The following CACNA1C variants were observed in gnomAD, a reference collection of about 807,000 sequenced individuals.
CACNA1C encodes voltage-dependent L-type calcium channel subunit alpha-1C.
CACNA1C carries 30 observed loss-of-function variants against 229.0 expected under a neutral mutation model. The observed-to-expected ratio is 0.13, with a 90% CI of 0.10 to 0.18. The LOEUF (loss-of-function observed/expected upper bound fraction) is 0.18, where lower values mean the gene tolerates loss of function less well. Among genes scored for constraint, CACNA1C ranks in the 10% least tolerant of loss-of-function variants. CACNA1C has a pLI of 1.00. For missense variants in CACNA1C, 1,658 were observed against 2,845.0 expected, an observed-to-expected ratio of 0.58 and a Z score of 9.49; for synonymous variants, 1,114 against 1,132.5, an observed-to-expected ratio of 0.98 and a Z score of 0.33.
chr12:2,500,620 T>C (rs1252460405), intron 7 of CACNA1C, among the ~76,000 whole-genome samples: 2 of 152,252 alleles, frequency 1.3e-5, no homozygotes, highest in South Asian at 4.1e-4. Flanking sequence ...TGCTCCCACG[T>C]GTCCTGAAGA....
At chr12:2,347,453 C>T (rs1003987241) in intron 3 of CACNA1C, among the ~76,000 whole-genome samples, 2 of 152,222 alleles carry the variant, frequency 1.3e-5, no homozygotes, top group Admixed American at 1.3e-4. Flanking sequence ...AAATTAGGCT[C>T]CACATTTGTA....
At position 2,691,190 on chromosome 12, in the gene CACNA1C, C is replaced by G; in HGVS notation, c.6408C>G (p.Ser2136Arg). The G allele has an allele frequency of 6.4e-7, 1 of 1,561,764 alleles. No homozygotes were observed. The highest frequency in any genetic ancestry group is 8.7e-7 in the Non-Finnish European group (1 of 1,154,304). Residue 2136 changes from serine to arginine, a missense_variant, in exon 47 of 47, where the codon AGC (serine) becomes AGG (arginine). Ser to Arg is a moderately radical substitution (Grantham distance 110). Around this residue, in one of 20 missense-constraint regions of CACNA1C, gnomAD observed 590 missense variants for 700.8 expected, o/e 0.84. Coordinates refer to ENST00000399655, the MANE Select transcript of CACNA1C (RefSeq NM_000719.7). The part of the protein sequence containing the change: ...EELQDSRVYV[S>R]SL ...TCCAGGACAGCAGGGTCTACGTCAG[C>G]AGCCTGTAGTGGGCGCTGCCAGATG...
chr12:2,533,875 G>T (rs114402104), intron 9 of CACNA1C, among the ~76,000 whole-genome samples: 1,821 of 152,282 alleles, frequency 0.012, 51 homozygotes, highest in African/African-American at 0.042. Flanking sequence ...CAGGTTGTTG[G>T]GAGCATGAAA....
In CACNA1C at chr12:2,504,432, C is replaced by A. The variant is rs1843666783; in HGVS notation, c.1114-410C>A. On this transcript the variant is annotated intron_variant, in intron 7 of 46. Coordinates refer to ENST00000399655, the MANE Select transcript of CACNA1C (RefSeq NM_000719.7). The surrounding 1 kb of genome is among the most constrained non-coding windows in gnomAD (Gnocchi z 6.8). ...TCTTTCCTAACTTTCCTTCGTCTTTCCAGATGCAGGACGCTATGGGCTATG... is the reference window on the plus strand; with the variant it reads ...TCTTTCCTAACTTTCCTTCGTCTTTACAGATGCAGGACGCTATGGGCTATG... The A allele has an allele frequency of 1.3e-6, 2 of 1,550,166 alleles. No homozygotes were observed. The highest frequency in any genetic ancestry group is 1.8e-6 in the Non-Finnish European group (2 of 1,122,718).
intron 1 of CACNA1C, among the ~76,000 whole-genome samples, chr12:2,075,182 T>C (rs1444029446): frequency 1.3e-5 from 2 of 152,166 alleles, no homozygotes; most frequent in African/African-American, 4.8e-5. Flanking sequence ...CCAGAGACTT[T>C]GATGATTGCA....
chr12:2,509,615 T>G (rs2283319), intron 8 of CACNA1C, among the ~76,000 whole-genome samples: 7,150 of 152,288 alleles, frequency 0.047, 181 homozygotes, highest in South Asian at 0.1. Flanking sequence ...ATGCACGTGT[T>G]TTCTCTGTGC....
At chr12:2,137,311 G>A (rs1181350613) in intron 3 of CACNA1C, among the ~76,000 whole-genome samples, 1 of 151,250 alleles carries the variant, frequency 6.6e-6, no homozygotes, top group African/African-American at 2.4e-5. Flanking sequence ...TTTCTCGGCT[G>A]TGAAATAAAG....
In CACNA1C at chr12:2,497,969, T is replaced by TCACACACACACACACACACACACACA. The variant is rs3058710; in HGVS notation, c.1113+4592_1113+4617dup. Among the ~76,000 whole-genome samples, 75 of 144,008 alleles carry TCACACACACACACACACACACACACA rather than the reference T, an allele frequency of 5.2e-4. No homozygotes were observed. In the East Asian group the frequency reaches 6.0e-3, roughly 12 times the overall value. 94.5% of individuals were successfully genotyped at this position (144,008 alleles called of 152,430 possible). A position where few individuals can be genotyped will look rare whatever the true frequency, so the allele number is the denominator to read the frequency against. On this transcript the variant is annotated intron_variant, in intron 7 of 46. Transcript: ENST00000399655. ...TGCGGAGAAGGTATTTCTATTAAAT[T>TCACACACACACACACACACACACACA]CACACACACACACACACACACACAC...
intron 4 of CACNA1C, among the ~76,000 whole-genome samples, chr12:2,449,741 C>T (rs1467753206): frequency 1.3e-5 from 2 of 152,218 alleles, no homozygotes; most frequent in African/African-American, 4.8e-5. Context: ...TAGGATATCC[C>T]CCTGCTTAAG....
chr12:2,463,661 C>A (rs1192977538), intron 5 of CACNA1C, among the ~76,000 whole-genome samples: 1 of 152,164 alleles, frequency 6.6e-6, no homozygotes, highest in Non-Finnish European at 1.5e-5. Flanking sequence ...TCCAGGAAAT[C>A]ACACAAAGGA....
intron 42 of CACNA1C, chr12:2,680,689 C>T: frequency 1.2e-6 from 1 of 857,820 alleles, no homozygotes; most frequent in Non-Finnish European, 1.8e-6. Context: ...GCTGGCCTGC[C>T]TGTCCCTGCA....
intron 3 of CACNA1C, among the ~76,000 whole-genome samples, chr12:2,299,257 C>T (rs968028495): frequency 1.3e-5 from 2 of 152,216 alleles, no homozygotes; most frequent in African/African-American, 4.8e-5. Flanking sequence ...CTGGCCCTCC[C>T]TGGACATCAG....
chr12:2,084,011 A>G (rs1595407975), intron 1 of CACNA1C, among the ~76,000 whole-genome samples: 2 of 152,314 alleles, frequency 1.3e-5, no homozygotes, highest in African/African-American at 2.4e-5. Flanking sequence ...AAATTATTCT[A>G]TATATATAAA....
intron 3 of CACNA1C, among the ~76,000 whole-genome samples, chr12:2,284,037 G>T (rs2092143350): frequency 6.6e-6 from 1 of 152,144 alleles, no homozygotes; most frequent in Non-Finnish European, 1.5e-5. Flanking sequence ...GGTGAGGAGA[G>T]AGACCAGCCA....
At chr12:2,453,847 G>A (rs1217131277) in intron 4 of CACNA1C, among the ~76,000 whole-genome samples, 3 of 152,210 alleles carry the variant, frequency 2.0e-5, no homozygotes, top group African/African-American at 7.2e-5. Flanking sequence ...ATCTCCATGA[G>A]TGGGTGTAAC....
At chr12:1,996,637 AAAAAAAAAAAAAAAAAAACAAC>A (rs1277926710) in intron 1 of CACNA1C, among the ~76,000 whole-genome samples, 14 of 121,334 alleles carry the variant, frequency 1.2e-4, no homozygotes, top group South Asian at 2.7e-4. Context: ...AAAAAAAAAA[AAAAAAAAAAAAAAAAAAACAAC>A]AAACTCTTCT....
chr12:2,684,764 A>G (rs545770561), intron 43 of CACNA1C, among the ~76,000 whole-genome samples: 7 of 152,336 alleles, frequency 4.6e-5, no homozygotes, highest in Admixed American at 4.6e-4. Flanking sequence ...ATAAGAAGAA[A>G]ATACAATAGG....
intron 7 of CACNA1C, among the ~76,000 whole-genome samples, chr12:2,500,901 C>G (rs2099758090): frequency 6.6e-6 from 1 of 151,928 alleles, no homozygotes; most frequent in Non-Finnish European, 1.5e-5. Flanking sequence ...CCTGACTGCC[C>G]CACCCTCTCA....
At chr12:2,629,816 C>T (rs955943784) in intron 29 of CACNA1C, among the ~76,000 whole-genome samples, 3 of 152,236 alleles carry the variant, frequency 2.0e-5, no homozygotes, top group Admixed American at 6.5e-5. Context: ...GCAGTTGTTC[C>T]TTCCCAGCAA....
Sources: allele counts gnomAD v4.1 joint callset (sites outside exome capture counted in the v4.1 genomes callset), GRCh38; gene constraint gnomAD v4.1.1; regional missense constraint gnomAD v4.1.1; non-coding constraint Gnocchi (gnomAD v3.1); transcripts MANE v1.5; gene names NCBI Gene and HGNC (gene_info 2026-07-23, HGNC 2026-07-21).